The following ALK variants were observed in gnomAD, a reference collection of about 807,000 sequenced individuals.
The protein encoded by ALK is ALK tyrosine kinase receptor.
Under a neutral mutation model 163.1 loss-of-function variants are expected in ALK, and 74 were observed. That is an observed-to-expected ratio of 0.45 (90% CI 0.38 to 0.55). The LOEUF is 0.55. Ranked by LOEUF, ALK falls within the 20% of genes least tolerant of loss-of-function variation. The pLI, the probability that ALK is intolerant of heterozygous loss-of-function variation, is 0.00. For synonymous variants in ALK, 960 were observed against 843.2 expected, an observed-to-expected ratio of 1.14 and a Z score of -2.40; for missense variants, 2,063 against 2,105.3, an observed-to-expected ratio of 0.98 and a Z score of 0.39.
intron 1 of ALK, among the ~76,000 whole-genome samples, chr2:29,771,178 T>A (rs1052835584): frequency 6.6e-6 from 1 of 151,482 alleles, no homozygotes; most frequent in Non-Finnish European, 1.5e-5. Flanking sequence ...TACACACATA[T>A]ATGCACACGT....
intron 5 of ALK, among the ~76,000 whole-genome samples, chr2:29,375,343 C>T (rs1219716363): frequency 2.6e-5 from 4 of 151,990 alleles, no homozygotes; most frequent in Admixed American, 2.6e-4. Context: ...TTTTTTGAGA[C>T]GGAGTCTCGC....
intron 3 of ALK, among the ~76,000 whole-genome samples, chr2:29,578,227 A>C (rs1483233483): frequency 1.3e-5 from 2 of 151,994 alleles, no homozygotes; most frequent in African/African-American, 2.4e-5. Context: ...GCTGCTGTTC[A>C]TGTAAGACAT....
At chr2:29,562,480 C>A (rs1674051735) in intron 3 of ALK, among the ~76,000 whole-genome samples, 1 of 152,334 alleles carries the variant, frequency 6.6e-6, no homozygotes, top group Middle Eastern at 3.4e-3. Flanking sequence ...AGCTGGGAAA[C>A]TTCCAAATGC....
At chr2:29,553,042 A>T (rs1673756825) in intron 3 of ALK, among the ~76,000 whole-genome samples, 1 of 152,140 alleles carries the variant, frequency 6.6e-6, no homozygotes, top group Non-Finnish European at 1.5e-5. Flanking sequence ...AATTCTAATC[A>T]TCCTTCCAGA....
chr2:29,666,406 T>C (rs888273648), intron 3 of ALK, among the ~76,000 whole-genome samples: 16 of 151,938 alleles, frequency 1.1e-4, no homozygotes, highest in African/African-American at 3.6e-4. Flanking sequence ...AGTCATAGAA[T>C]AAGAAAGGAG....
chr2:29,659,461 C>T (rs10193324), intron 3 of ALK, among the ~76,000 whole-genome samples: 1,664 of 152,100 alleles, frequency 0.011, 14 homozygotes, highest in South Asian at 0.046. Flanking sequence ...CAGCACTGTC[C>T]AGGTTCTCAA....
rs190642376 is a variant in ALK, at chr2:29,706,052, G to T, written c.788-11038C>A. On this transcript the variant is annotated intron_variant, in intron 2 of 28. Transcript: ENST00000389048. ...TGGAAGACCTCCAGCGAGATGATCT[G>T]GGTTCTAGCTCTGGCTCTGTGATAT... is the stretch of plus-strand genomic sequence containing the variant. Among the ~76,000 whole-genome samples the T allele has an allele frequency of 8.5e-5, 13 of 152,326 alleles. No individual in the cohort carries two copies. The East Asian group carries it at 2.5e-3, about 29-fold the overall frequency.
At chr2:29,736,834 T>C (rs1220892293) in intron 1 of ALK, among the ~76,000 whole-genome samples, 2 of 152,154 alleles carry the variant, frequency 1.3e-5, no homozygotes, top group African/African-American at 4.8e-5. Flanking sequence ...GTATACAGGA[T>C]GAAATTTAAT....
intron 3 of ALK, among the ~76,000 whole-genome samples, chr2:29,541,959 A>T (rs980913717): frequency 6.6e-6 from 1 of 152,218 alleles, no homozygotes; most frequent in South Asian, 2.1e-4. Flanking sequence ...CTGTCTTGCA[A>T]CTATAACCTG....
intron 5 of ALK, among the ~76,000 whole-genome samples, chr2:29,375,576 C>G (rs1382394745): frequency 1.3e-5 from 2 of 152,142 alleles, no homozygotes; most frequent in Non-Finnish European, 2.9e-5. Flanking sequence ...CTCGGCCTCC[C>G]AAAGTGCTGG....
chr2:29,226,329 T>G (rs1663990868), intron 18 of ALK, among the ~76,000 whole-genome samples: 1 of 151,478 alleles, frequency 6.6e-6, no homozygotes, highest in South Asian at 2.1e-4. Context: ...AATATGAAAA[T>G]TAGCCTGGCA....
chr2:29,262,940 T>C (rs11894467), intron 11 of ALK, among the ~76,000 whole-genome samples: 2,199 of 152,338 alleles, frequency 0.014, 39 homozygotes, highest in African/African-American at 0.048. Context: ...GGAAAAACAC[T>C]ACCCTGAAAG....
chr2:29,647,237 C>G (rs954891927), intron 3 of ALK, among the ~76,000 whole-genome samples: 3 of 152,168 alleles, frequency 2.0e-5, no homozygotes, highest in African/African-American at 7.2e-5. Flanking sequence ...GGCTTGTTCT[C>G]TAAGAGTTGT....
intron 1 of ALK, among the ~76,000 whole-genome samples, chr2:29,736,886 TATTA>T (rs1458315159): frequency 6.6e-6 from 1 of 152,138 alleles, no homozygotes; most frequent in African/African-American, 2.4e-5. Flanking sequence ...AAATATTTTT[TATTA>T]ATTGAATTGC....
chr2:29,794,222 G>T (rs1406323439), intron 1 of ALK, among the ~76,000 whole-genome samples: 2 of 152,198 alleles, frequency 1.3e-5, no homozygotes, highest in South Asian at 4.1e-4. Flanking sequence ...ACCTCTGCTA[G>T]CTTCCAATTT....
chr2:29,247,559 C>T (rs1046666250), intron 12 of ALK, among the ~76,000 whole-genome samples: 2 of 152,256 alleles, frequency 1.3e-5, no homozygotes. Context: ...TCCTCTCCCT[C>T]TTTCTGGGCC....
intron 1 of ALK, among the ~76,000 whole-genome samples, chr2:29,774,226 C>T (rs1462113037): frequency 6.6e-6 from 1 of 152,142 alleles, no homozygotes; most frequent in Admixed American, 6.5e-5. Context: ...TTTGAAACTC[C>T]CTGACTGACA....
chr2:29,351,574 A>T (rs551496284), intron 5 of ALK, among the ~76,000 whole-genome samples: 3 of 152,210 alleles, frequency 2.0e-5, no homozygotes, highest in Non-Finnish European at 4.4e-5. Flanking sequence ...GACTGGCCAC[A>T]CCTGTGACTT....
In ALK at chr2:29,565,325, G is replaced by A. The variant is rs528868739; in HGVS notation, c.953-33209C>T. Among the ~76,000 whole-genome samples the A allele has an allele frequency of 1.3e-4, 20 of 152,302 alleles. No homozygotes were observed. In the South Asian group the frequency reaches 3.1e-3, roughly 24 times the overall value. ...GAGATTTGAACTCGGGTCTTCCGGC[G>A]TTAGCTTCCTACTGGTGAGCACGGA... On this transcript the variant is annotated intron_variant, in intron 3 of 28. Coordinates refer to ENST00000389048, the MANE Select transcript of ALK (RefSeq NM_004304.5).
Sources: allele counts gnomAD v4.1 joint callset (sites outside exome capture counted in the v4.1 genomes callset), GRCh38; gene constraint gnomAD v4.1.1; transcripts MANE v1.5; gene names NCBI Gene and HGNC (gene_info 2026-07-23, HGNC 2026-07-21).